Variants in KCNAB1 observed in about 807,000 individuals in gnomAD.
KCNAB1 encodes voltage-gated potassium channel subunit beta-1.
A neutral mutation model predicts 64.6 loss-of-function variants in KCNAB1; 35 were observed. The ratio of observed to expected loss-of-function variants is 0.54; its 90% CI spans 0.41 to 0.72. KCNAB1 has a LOEUF of 0.72. Ranked by LOEUF, KCNAB1 falls within the 30% of genes least tolerant of loss-of-function variation. KCNAB1 has a pLI of 0.00. For missense variants in KCNAB1, 401 were observed against 512.9 expected (o/e 0.78, Z 2.11); for synonymous variants, 177 against 183.8 (o/e 0.96, Z 0.30).
intron 1 of KCNAB1, among the ~76,000 whole-genome samples, chr3:156,196,565 G>A (rs2108369848): frequency 6.6e-6 from 1 of 152,070 alleles, no homozygotes; most frequent in Admixed American, 6.5e-5. Context: ...TATTTTCTTT[G>A]TAGCAACTGT....
At chr3:156,190,046 A>G (rs1713462016) in intron 1 of KCNAB1, among the ~76,000 whole-genome samples, 1 of 152,208 alleles carries the variant, frequency 6.6e-6, no homozygotes, top group Admixed American at 6.5e-5. Flanking sequence ...AGTATACAAA[A>G]GAAGTTCAAC....
chr3:156,421,505 T>A, intron 1 of KCNAB1, 111 bp from the exon 2 acceptor site: 1 of 1,013,732 alleles, frequency 9.9e-7, no homozygotes, highest in Non-Finnish European at 1.5e-6. Context: ...TGGTTCTGCC[T>A]CTATCAGGAC....
At chr3:156,498,823 C>T (rs751616005) in intron 8 of KCNAB1, among the ~76,000 whole-genome samples, 2 of 152,232 alleles carry the variant, frequency 1.3e-5, no homozygotes, top group Admixed American at 6.5e-5. Context: ...AGAGCTTTCA[C>T]TGGAAACTTT....
intron 1 of KCNAB1, among the ~76,000 whole-genome samples, chr3:156,328,277 A>G (rs970060680): frequency 3.3e-5 from 5 of 152,132 alleles, no homozygotes; most frequent in African/African-American, 1.2e-4. Context: ...TTTGGGCTCT[A>G]TTCTACAGGC....
At position 156,231,891 on chromosome 3, in the gene KCNAB1, T is replaced by C. The variant is rs534826403; in HGVS notation, c.275+111005T>C. ...ATTGATGTCTCATGCCTTCCTAAAATGTATAAAACCAAGCTGTACCCCAAC... is the reference window on the plus strand; with the variant it reads ...ATTGATGTCTCATGCCTTCCTAAAACGTATAAAACCAAGCTGTACCCCAAC... On this transcript the variant is annotated intron_variant, in intron 1 of 13. Transcript: ENST00000490337. Among the ~76,000 whole-genome samples, 18 of 152,270 alleles carry C rather than the reference T, an allele frequency of 1.2e-4. No homozygotes were observed. The South Asian group carries it at 3.5e-3, about 30-fold the overall frequency.
At chr3:156,441,292 C>T (rs1162146416) in intron 2 of KCNAB1, 1 of 151,996 alleles carries the variant, frequency 6.6e-6, no homozygotes, top group African/African-American at 2.4e-5. Context: ...ACTGAACCAT[C>T]AAAAAATATA....
chr3:156,421,614 A>G lies in KCNAB1; in HGVS notation c.276-2A>G. The G allele has an allele frequency of 6.2e-7, 1 of 1,613,820 alleles. No homozygotes were observed. The highest frequency in any genetic ancestry group is 1.3e-5 in the African/African-American group (1 of 75,042). ...CCAAGTGTTGCTTTGTTTTTATTATAGGAATCTTGGAAAATCAGGACTCAG... is the reference window on the plus strand; with the variant it reads ...CCAAGTGTTGCTTTGTTTTTATTATGGGAATCTTGGAAAATCAGGACTCAG... On this transcript the variant is annotated splice_acceptor_variant, in intron 1 of 13. Coordinates refer to ENST00000490337, the MANE Select transcript of KCNAB1 (RefSeq NM_172160.3). LOFTEE classifies it high-confidence loss of function.
intron 1 of KCNAB1, among the ~76,000 whole-genome samples, chr3:156,129,483 A>G (rs1713870767): frequency 6.6e-6 from 1 of 152,208 alleles, no homozygotes; most frequent in Admixed American, 6.5e-5. Flanking sequence ...AAGTCACCAC[A>G]GATATATAAA....
At chr3:156,342,757 T>C (rs1348134793) in intron 1 of KCNAB1, among the ~76,000 whole-genome samples, 2 of 152,038 alleles carry the variant, frequency 1.3e-5, no homozygotes, top group Non-Finnish European at 2.9e-5. Context: ...GAAAGCTCCC[T>C]ATGTGTTTCT....
At chr3:156,216,766 T>C (rs1303908395) in intron 1 of KCNAB1, among the ~76,000 whole-genome samples, 2 of 152,180 alleles carry the variant, frequency 1.3e-5, no homozygotes, top group Admixed American at 1.3e-4. Flanking sequence ...GTTTTATCCC[T>C]GCTTGACAGA....
intron 1 of KCNAB1, among the ~76,000 whole-genome samples, chr3:156,165,444 A>G (rs1417488376): frequency 2.0e-5 from 3 of 152,178 alleles, no homozygotes; most frequent in Non-Finnish European, 4.4e-5. Flanking sequence ...GCAGACCTGC[A>G]CCAAAGGTCT....
chr3:156,395,296 A>G (rs935146356), intron 1 of KCNAB1, among the ~76,000 whole-genome samples: 4 of 149,894 alleles, frequency 2.7e-5, no homozygotes, highest in Non-Finnish European at 5.9e-5. Context: ...CTGTAATCCC[A>G]GCACTTTGGG....
chr3:156,166,887 G>T (rs1196491245), intron 1 of KCNAB1, among the ~76,000 whole-genome samples: 4 of 152,174 alleles, frequency 2.6e-5, no homozygotes, highest in South Asian at 2.1e-4. Flanking sequence ...AGGCTTTTTA[G>T]GATTTGTAGG....
chr3:156,290,106 A>C (rs1219298931), intron 1 of KCNAB1, among the ~76,000 whole-genome samples: 1 of 152,212 alleles, frequency 6.6e-6, no homozygotes, highest in Non-Finnish European at 1.5e-5. Context: ...GGAATGAATC[A>C]AAATGAACAA....
intron 1 of KCNAB1, among the ~76,000 whole-genome samples, chr3:156,268,673 T>G (rs891754289): frequency 6.6e-6 from 1 of 152,206 alleles, no homozygotes; most frequent in Non-Finnish European, 1.5e-5. Flanking sequence ...ATGTCCTCTT[T>G]GGAGAATCAG....
intron 1 of KCNAB1, among the ~76,000 whole-genome samples, chr3:156,263,344 A>C (rs80124876): frequency 0.027 from 4,166 of 152,068 alleles, 78 homozygotes; most frequent in African/African-American, 0.038. Flanking sequence ...TCAGTTCAAA[A>C]TATTTTTAAA....
chr3:156,511,325 G>C (rs991510572), intron 8 of KCNAB1, among the ~76,000 whole-genome samples: 2 of 152,004 alleles, frequency 1.3e-5, no homozygotes, highest in African/African-American at 4.8e-5. Flanking sequence ...GGATGGTCTC[G>C]ATCTCCTGAC....
At chr3:156,477,075 G>A (rs1714421667) in intron 8 of KCNAB1, among the ~76,000 whole-genome samples, 1 of 152,142 alleles carries the variant, frequency 6.6e-6, no homozygotes, top group East Asian at 1.9e-4. Flanking sequence ...ATTTATAGAA[G>A]AAGGAGGAAA....
At chr3:156,304,940 A>T (rs1721392601) in intron 1 of KCNAB1, among the ~76,000 whole-genome samples, 1 of 152,038 alleles carries the variant, frequency 6.6e-6, no homozygotes, top group Non-Finnish European at 1.5e-5. Context: ...ATTTATATCG[A>T]GTATGTGAAT....
Sources: allele counts gnomAD v4.1 joint callset (sites outside exome capture counted in the v4.1 genomes callset), GRCh38; gene constraint gnomAD v4.1.1; transcripts MANE v1.5; gene names NCBI Gene and HGNC (gene_info 2026-07-23, HGNC 2026-07-21).